NXPH1: variants seen among roughly 807,000 people sequenced by gnomAD.
NXPH1 encodes neurexophilin-1.
A neutral mutation model predicts 23.7 loss-of-function variants in NXPH1; 5 were observed. The observed-to-expected ratio is 0.21, with a 90% CI of 0.11 to 0.44. The LOEUF (loss-of-function observed/expected upper bound fraction) is 0.44, where lower values mean the gene tolerates loss of function less well. NXPH1 is among the 20% of genes least tolerant of loss of function. The pLI, the probability that NXPH1 is intolerant of heterozygous loss-of-function variation, is 0.99. For synonymous variants in NXPH1, 144 were observed against 122.2 expected (o/e 1.18, Z -1.18); for missense variants, 324 against 321.6 (o/e 1.01, Z -0.06).
intron 2 of NXPH1, among the ~76,000 whole-genome samples, chr7:8,589,053 T>A (rs913309775): frequency 1.3e-5 from 2 of 152,118 alleles, no homozygotes; most frequent in Non-Finnish European, 2.9e-5. Context: ...GAAAAAGGAT[T>A]CAAAACAGCT....
In NXPH1 at chr7:8,752,175, G is replaced by A. The variant is rs1332644365; in HGVS notation, c.*406G>A. On this transcript the variant is annotated 3_prime_UTR_variant, in exon 3 of 3. Coordinates refer to ENST00000405863, the MANE Select transcript of NXPH1 (RefSeq NM_152745.3). ...GAATGTTTCTAACAGTTGCTGTTAT[G>A]GAAATCTCTTTTAAAGTCTTGAGTA... 5.7e-6 allele frequency: 1 copy of A among 175,060 alleles called. No individual in the cohort carries two copies. The highest frequency in any genetic ancestry group is 1.4e-4 in the East Asian group (1 of 7,132). The allele number at this position is 175,060 out of a possible 1,614,324, so 10.8% of individuals were successfully genotyped here. A position where few individuals can be genotyped will look rare whatever the true frequency, so the allele number is the denominator to read the frequency against.
At chr7:8,606,621 A>G (rs1444819815) in intron 2 of NXPH1, among the ~76,000 whole-genome samples, 2 of 144,896 alleles carry the variant, frequency 1.4e-5, no homozygotes, top group Non-Finnish European at 3.0e-5. Flanking sequence ...CTCCTTTTGT[A>G]CTGGGCAAAG....
chr7:8,473,858 C>T lies in NXPH1; in HGVS notation c.54+38091C>T, dbSNP rs183271160. ...CTAGATGAATCTACCCCCAAAGAAC[C>T]GACGGTTTCAGCTTGGGCAGGATGT... On this transcript the variant is annotated intron_variant, in intron 2 of 2. Coordinates refer to ENST00000405863, the MANE Select transcript of NXPH1 (RefSeq NM_152745.3). Among the ~76,000 whole-genome samples, 558 of 152,004 alleles carry T rather than the reference C, an allele frequency of 3.7e-3. 3 individuals are homozygous for T. The highest frequency in any genetic ancestry group is 6.0e-3 in the Non-Finnish European group (408 of 67,972).
chr7:8,541,588 T>C (rs573609422), intron 2 of NXPH1, among the ~76,000 whole-genome samples: 102 of 151,710 alleles, frequency 6.7e-4, no homozygotes, highest in African/African-American at 2.4e-3. Context: ...TAAAACTGGT[T>C]GCCACATGGG....
At chr7:8,663,648 C>G (rs145434477) in intron 2 of NXPH1, among the ~76,000 whole-genome samples, 1 of 152,044 alleles carries the variant, frequency 6.6e-6, no homozygotes, top group South Asian at 2.1e-4. Context: ...TAACATTAAT[C>G]TAATAGTCTG....
intron 2 of NXPH1, among the ~76,000 whole-genome samples, chr7:8,666,599 A>G (rs1054496704): frequency 3.3e-5 from 5 of 152,096 alleles, no homozygotes; most frequent in African/African-American, 4.8e-5. Context: ...AAGACTTCAA[A>G]AACATTGGTA....
chr7:8,491,725 G>A (rs1218947740), intron 2 of NXPH1, among the ~76,000 whole-genome samples: 1 of 152,036 alleles, frequency 6.6e-6, no homozygotes, highest in African/African-American at 2.4e-5. Context: ...GATTCTCACA[G>A]TACTTTTCAA....
intron 2 of NXPH1, among the ~76,000 whole-genome samples, chr7:8,731,950 C>A (rs1181826495): frequency 6.6e-6 from 1 of 152,226 alleles, no homozygotes; most frequent in Non-Finnish European, 1.5e-5. Context: ...CTTGCTGCTG[C>A]CTTGCAGTTT....
intron 2 of NXPH1, among the ~76,000 whole-genome samples, chr7:8,578,526 A>C (rs781083018): frequency 6.6e-6 from 1 of 152,226 alleles, no homozygotes; most frequent in Non-Finnish European, 1.5e-5. Flanking sequence ...TTACTTTTGC[A>C]GTTCACCAAG....
chr7:8,551,188 T>C (rs1443470261), intron 2 of NXPH1, among the ~76,000 whole-genome samples: 1 of 151,568 alleles, frequency 6.6e-6, no homozygotes, highest in Non-Finnish European at 1.5e-5. Flanking sequence ...GGTCAACTAT[T>C]ATACCCTATT....
intron 2 of NXPH1, among the ~76,000 whole-genome samples, chr7:8,641,450 C>CT (rs148083924): frequency 0.048 from 7,153 of 150,098 alleles, 375 homozygotes; most frequent in East Asian, 0.17. Flanking sequence ...TAAATCTGAA[C>CT]TTTTTTTTTT....
chr7:8,574,465 A>T (rs980419147), intron 2 of NXPH1, among the ~76,000 whole-genome samples: 1 of 152,004 alleles, frequency 6.6e-6, no homozygotes, highest in African/African-American at 2.4e-5. Context: ...TCAGTTTAAG[A>T]TTGCTCAGTC....
intron 2 of NXPH1, among the ~76,000 whole-genome samples, chr7:8,448,003 A>G (rs1816435079): frequency 6.6e-6 from 1 of 152,222 alleles, no homozygotes; most frequent in East Asian, 1.9e-4. Context: ...GAGAGCAAAC[A>G]GGCCTGTTTT....
chr7:8,718,720 C>T (rs1426069642), intron 2 of NXPH1, among the ~76,000 whole-genome samples: 1 of 152,186 alleles, frequency 6.6e-6, no homozygotes, highest in Admixed American at 6.5e-5. Flanking sequence ...GTTACTTAGA[C>T]ATCTCCAGGA....
chr7:8,594,781 C>T (rs183423585), intron 2 of NXPH1, among the ~76,000 whole-genome samples: 166 of 152,036 alleles, frequency 1.1e-3, no homozygotes, highest in Admixed American at 2.7e-3. Flanking sequence ...AACCTGGTGT[C>T]CCTAAAGAAT....
At chr7:8,472,854 G>T (rs1816891133) in intron 2 of NXPH1, among the ~76,000 whole-genome samples, 2 of 152,130 alleles carry the variant, frequency 1.3e-5, no homozygotes, top group African/African-American at 2.4e-5. Flanking sequence ...AACTCACTTG[G>T]TTTTAGCACC....
intron 2 of NXPH1, among the ~76,000 whole-genome samples, chr7:8,662,471 A>G (rs1208010489): frequency 1.3e-5 from 2 of 152,076 alleles, no homozygotes; most frequent in Non-Finnish European, 2.9e-5. Context: ...GAATGAGAAA[A>G]TGTACTTTGA....
chr7:8,512,301 T>C (rs938891963), intron 2 of NXPH1, among the ~76,000 whole-genome samples: 1 of 152,192 alleles, frequency 6.6e-6, no homozygotes, highest in Non-Finnish European at 1.5e-5. Context: ...GTAACCCTTT[T>C]TGAATTTTAA....
At chr7:8,678,591 G>A (rs941754069) in intron 2 of NXPH1, among the ~76,000 whole-genome samples, 1 of 151,970 alleles carries the variant, frequency 6.6e-6, no homozygotes, top group African/African-American at 2.4e-5. Context: ...CCATCCTCTC[G>A]TGATCACCAA....
Sources: gnomAD v4.1 joint callset for allele counts (sites outside exome capture counted in the v4.1 genomes callset) on GRCh38, gnomAD v4.1.1 for gene constraint, MANE v1.5 for transcripts, NCBI Gene and HGNC (gene_info 2026-07-23, HGNC 2026-07-21) for gene names.